The following DPP6 variants were observed in gnomAD, a reference collection of about 807,000 sequenced individuals.
DPP6 encodes the protein A-type potassium channel modulatory protein DPP6.
A neutral mutation model predicts 122.6 loss-of-function variants in DPP6; 69 were observed. The observed-to-expected ratio is 0.56, with a 90% CI of 0.46 to 0.69. DPP6 has a LOEUF of 0.69. Among genes scored for constraint, DPP6 ranks in the 30% least tolerant of loss-of-function variants. The pLI is 0.00. For synonymous variants in DPP6, 418 were observed against 433.1 expected, an observed-to-expected ratio of 0.97 and a Z score of 0.43; for missense variants, 928 against 1,116.9, an observed-to-expected ratio of 0.83 and a Z score of 2.41.
the DPP6 span, among the ~76,000 whole-genome samples, chr7:153,769,209 C>G: frequency 6.6e-6 from 1 of 152,136 alleles, no homozygotes; most frequent in African/African-American, 2.4e-5. Flanking sequence ...CAAATGATAA[C>G]AGTTATATCT....
In DPP6 at chr7:154,298,268, C is replaced by CCACACACA. The variant is rs773227930; in HGVS notation, c.244-147941_244-147934dup. Among the ~76,000 whole-genome samples the CCACACACA allele has an allele frequency of 5.7e-4, 86 of 150,448 alleles. 1 individual carries two copies. The highest frequency in any genetic ancestry group is 1.7e-3 in the African/African-American group (71 of 40,860). On this transcript the variant is annotated intron_variant, in intron 1 of 25. Transcript: ENST00000377770. ...TCCTTAAAAATCTGTCTCTCTCTCT[C>CCACACACA]CACACACACACATACACACACTATT...
At chr7:154,770,270 G>A (rs570080591) in intron 9 of DPP6, among the ~76,000 whole-genome samples, 74 of 152,284 alleles carry the variant, frequency 4.9e-4, no homozygotes, top group South Asian at 2.7e-3. Flanking sequence ...CTTACATGGC[G>A]GCAGACAAGA....
At chr7:154,060,701 A>G (rs1202810116) in intron 1 of DPP6, among the ~76,000 whole-genome samples, 79 of 131,040 alleles carry the variant, frequency 6.0e-4, no homozygotes, top group Middle Eastern at 5.6e-3. Context: ...CCTGGCTGTT[A>G]GTACCCCCAT....
chr7:154,125,107 C>T (rs1807781369), intron 1 of DPP6, among the ~76,000 whole-genome samples: 1 of 152,152 alleles, frequency 6.6e-6, no homozygotes, highest in African/African-American at 2.4e-5. Context: ...TTGGAGACAT[C>T]ACTAGGAACC....
intron 2 of DPP6, among the ~76,000 whole-genome samples, chr7:154,469,174 G>T (rs1489292922): frequency 6.6e-6 from 1 of 151,428 alleles, no homozygotes; most frequent in African/African-American, 2.5e-5. Context: ...TAGCAGAAAA[G>T]AAAGCATGAT....
chr7:153,944,723 C>T (rs1307625813), intron 1 of DPP6, among the ~76,000 whole-genome samples: 3 of 145,052 alleles, frequency 2.1e-5, no homozygotes, highest in South Asian at 2.2e-4. Context: ...CTCTGCCTCC[C>T]GTGTTCAAGC....
Position 153,927,633 on chromosome 7 carries a change from G to C in DPP6, c.51+39899G>C, listed in dbSNP as rs183667529. Among the ~76,000 whole-genome samples, 118 of 152,296 alleles carry C rather than the reference G, an allele frequency of 7.7e-4. 1 individual carries two copies. Among genetic ancestry groups the C allele is most frequent in the Admixed American group, 7.6e-3 (116 of 15,300 alleles). ...ACATCATGTCGTCTTAAAAGTGATT[G>C]TGTTCTTATACATTTTTATTGTGGA... On this transcript the variant is annotated intron_variant, in intron 1 of 25. Coordinates refer to the DPP6 transcript ENST00000404039.
At chr7:154,044,945 C>T (rs571115848) in intron 1 of DPP6, among the ~76,000 whole-genome samples, 2 of 151,982 alleles carry the variant, frequency 1.3e-5, no homozygotes, top group African/African-American at 2.4e-5. Context: ...TGCCAAATTG[C>T]ATATGTTCTG....
chr7:154,890,963 C>T (rs1262859160), intron 25 of DPP6: 1 of 152,240 alleles, frequency 6.6e-6, no homozygotes, highest in Non-Finnish European at 1.5e-5. Context: ...TGCAGTGGCT[C>T]ACACCTGTAG....
intron 1 of DPP6, among the ~76,000 whole-genome samples, chr7:154,295,100 C>T (rs142492145): frequency 3.3e-5 from 5 of 152,284 alleles, no homozygotes; most frequent in Admixed American, 1.3e-4. Context: ...AGGGGCCAGA[C>T]GTGAGAAGCA....
intron 1 of DPP6, among the ~76,000 whole-genome samples, chr7:154,081,054 T>G (rs1461667805): frequency 6.6e-6 from 1 of 152,016 alleles, no homozygotes; most frequent in Non-Finnish European, 1.5e-5. Flanking sequence ...TTGTCAGAAT[T>G]TTGAGCTATG....
chr7:154,262,111 G>A (rs2150916607), intron 1 of DPP6, among the ~76,000 whole-genome samples: 1 of 152,178 alleles, frequency 6.6e-6, no homozygotes, highest in East Asian at 1.9e-4. Flanking sequence ...TAGACTGCTC[G>A]TGAAATATGA....
chr7:154,022,558 A>G (rs77213557), intron 1 of DPP6, among the ~76,000 whole-genome samples: 13,137 of 152,214 alleles, frequency 0.086, 770 homozygotes, highest in African/African-American at 0.17. Context: ...TGAAAGATGC[A>G]TGTCCCCCTT....
intron 1 of DPP6, among the ~76,000 whole-genome samples, chr7:154,086,092 G>T (rs1227411891): frequency 6.6e-6 from 1 of 152,108 alleles, no homozygotes; most frequent in Non-Finnish European, 1.5e-5. Flanking sequence ...ACATTGCATT[G>T]TCCTGGTTAT....
intron 1 of DPP6, among the ~76,000 whole-genome samples, chr7:153,974,434 G>T (rs1796194385): frequency 6.6e-6 from 1 of 152,152 alleles, no homozygotes; most frequent in Non-Finnish European, 1.5e-5. Flanking sequence ...AAAAAGAAGG[G>T]TTTGGGTTAG....
rs112032011 is a variant in DPP6 at position 154,305,122 on chromosome 7, G to A, written c.244-141092G>A. 0.015 allele frequency: 7,695 copies of A among 505,122 alleles called. 657 individuals are homozygous for A. In the African/African-American group the frequency reaches 0.16, roughly 10 times the overall value. 31.3% of individuals were successfully genotyped at this position (505,122 alleles called of 1,614,324 possible). A position where few individuals can be genotyped will look rare whatever the true frequency, so the allele number is the denominator to read the frequency against. ...GGCGGCCGGAGCATGCGCCGTGGGCGCCGGGCCGGGAGGCGGGCGAGGAGG... is the reference window on the plus strand; with the variant it reads ...GGCGGCCGGAGCATGCGCCGTGGGCACCGGGCCGGGAGGCGGGCGAGGAGG... On this transcript the variant is annotated intron_variant, in intron 1 of 25. Transcript: ENST00000377770.
intron 1 of DPP6, among the ~76,000 whole-genome samples, chr7:154,122,870 C>G (rs1317313231): frequency 6.6e-6 from 1 of 152,292 alleles, no homozygotes; most frequent in East Asian, 1.9e-4. Flanking sequence ...CCATCACCCT[C>G]TTCCCTCTGG....
At position 154,010,938 on chromosome 7, in the gene DPP6, A is replaced by G. The variant is rs578213334; in HGVS notation, c.51+123204A>G. On this transcript the variant is annotated intron_variant, in intron 1 of 25. Coordinates refer to the DPP6 transcript ENST00000404039. ...GTTCATCTGGCCCCCATCCTGATCAAAAATAGTCAGAAGTAGAAATGGGTA... is the reference window on the plus strand; with the variant it reads ...GTTCATCTGGCCCCCATCCTGATCAGAAATAGTCAGAAGTAGAAATGGGTA... Among the ~76,000 whole-genome samples the G allele has an allele frequency of 2.3e-3, 348 of 151,668 alleles. 2 individuals are homozygous for G. The highest frequency in any genetic ancestry group is 7.9e-3 in the African/African-American group (322 of 40,926).
intron 1 of DPP6, chr7:154,056,073 G>A (rs1294836935): frequency 1.3e-5 from 2 of 152,170 alleles, no homozygotes; most frequent in African/African-American, 2.4e-5. Context: ...AATAAAATGC[G>A]GAGATAGAAT....
Sources: allele counts gnomAD v4.1 joint callset (sites outside exome capture counted in the v4.1 genomes callset), GRCh38; gene constraint gnomAD v4.1.1; transcripts MANE v1.5; gene names NCBI Gene and HGNC (gene_info 2026-07-23, HGNC 2026-07-21).